NRG1: variants seen among roughly 807,000 people sequenced by gnomAD.
NRG1 encodes neuregulin 1, also known as pro-neuregulin-1, membrane-bound isoform.
Under a neutral mutation model 63.8 loss-of-function variants are expected in NRG1, and 18 were observed. The observed-to-expected ratio is 0.28, with a 90% CI of 0.19 to 0.42. The LOEUF (loss-of-function observed/expected upper bound fraction) is 0.42, where lower values mean the gene tolerates loss of function less well. NRG1 is among the 10% of genes least tolerant of loss of function. NRG1 has a pLI of 1.00. For missense variants in NRG1, 762 were observed against 814.7 expected, an observed-to-expected ratio of 0.94 and a Z score of 0.79; for synonymous variants, 302 against 301.3, an observed-to-expected ratio of 1.00 and a Z score of -0.02.
chr8:32,748,532 A>G (rs1007775911), intron 7 of NRG1: 7 of 204,472 alleles, frequency 3.4e-5, no homozygotes, highest in African/African-American at 9.6e-5. Flanking sequence ...CACTTCCTCA[A>G]TGGAGCCTCT....
At chr8:32,575,741 G>A (rs1456988631) in intron 1 of NRG1, among the ~76,000 whole-genome samples, 2 of 152,082 alleles carry the variant, frequency 1.3e-5, no homozygotes, top group Non-Finnish European at 2.9e-5. Context: ...TTCTAATAAG[G>A]GTGAAACTTG....
At chr8:32,563,512 A>C (rs1588333752) in intron 1 of NRG1, among the ~76,000 whole-genome samples, 1 of 152,334 alleles carries the variant, frequency 6.6e-6, no homozygotes, top group East Asian at 1.9e-4. Flanking sequence ...TTCTCAATAG[A>C]AACTGGGTAC....
chr8:32,344,097 A>T (rs1282091943), intron 1 of NRG1, among the ~76,000 whole-genome samples: 4 of 152,178 alleles, frequency 2.6e-5, no homozygotes, highest in East Asian at 3.9e-4. Context: ...ACCACACATC[A>T]CTTCAGAATT....
intron 1 of NRG1, among the ~76,000 whole-genome samples, chr8:32,572,176 G>T (rs1838727111): frequency 6.6e-6 from 1 of 152,010 alleles, no homozygotes; most frequent in African/African-American, 2.4e-5. Flanking sequence ...AAATGCTTAC[G>T]ACATAAGTGG....
At chr8:32,346,673 T>A (rs1048393036) in intron 1 of NRG1, among the ~76,000 whole-genome samples, 1 of 152,168 alleles carries the variant, frequency 6.6e-6, no homozygotes, top group Admixed American at 6.5e-5. Flanking sequence ...CATGTGCTTA[T>A]TTCTCTTCCT....
At chr8:31,639,550 C>A in intron 1 of NRG1, 2 of 1,444,118 alleles carry the variant, frequency 1.4e-6, no homozygotes, top group South Asian at 1.3e-5. Flanking sequence ...CGCTTGCTCG[C>A]AGCCCCAGCA....
At chr8:31,778,781 T>G (rs1299726140) in intron 1 of NRG1, among the ~76,000 whole-genome samples, 1 of 152,228 alleles carries the variant, frequency 6.6e-6, no homozygotes. Flanking sequence ...GACTGGTTTT[T>G]GGGAAGCCAA....
chr8:32,621,929 G>A (rs1260258358), intron 5 of NRG1, among the ~76,000 whole-genome samples: 1 of 152,234 alleles, frequency 6.6e-6, no homozygotes, highest in Non-Finnish European at 1.5e-5. Flanking sequence ...GATTCTGTGA[G>A]TGGATTGAAA....
chr8:32,671,864 A>T (rs935016813), intron 5 of NRG1, among the ~76,000 whole-genome samples: 1 of 152,212 alleles, frequency 6.6e-6, no homozygotes. Context: ...TTAGAAAATC[A>T]TTATATCCAC....
At chr8:32,542,468 A>G (rs1430682099) in intron 1 of NRG1, among the ~76,000 whole-genome samples, 2 of 152,238 alleles carry the variant, frequency 1.3e-5, no homozygotes, top group African/African-American at 4.8e-5. Context: ...AGAGGTTAAA[A>G]CAGGATGGGA....
chr8:32,401,633 A>C (rs995565033), intron 1 of NRG1, among the ~76,000 whole-genome samples: 1 of 152,182 alleles, frequency 6.6e-6, no homozygotes, highest in Non-Finnish European at 1.5e-5. Context: ...TGAACACAGG[A>C]ACAGAAAACA....
At chr8:31,762,702 A>G (rs1252159365) in intron 1 of NRG1, among the ~76,000 whole-genome samples, 3 of 152,196 alleles carry the variant, frequency 2.0e-5, no homozygotes, top group African/African-American at 7.2e-5. Context: ...ATAATATAGT[A>G]ATTATTAAAA....
intron 5 of NRG1, chr8:32,646,983 GC>G (rs1293641342): frequency 1.0e-6 from 1 of 984,880 alleles, no homozygotes; most frequent in Non-Finnish European, 1.2e-6. Flanking sequence ...GCAGAGAAGA[GC>G]CGCAGAGGAA....
chr8:32,325,917 A>G (rs10102632), intron 1 of NRG1, among the ~76,000 whole-genome samples: 13,598 of 152,150 alleles, frequency 0.089, 807 homozygotes, highest in Middle Eastern at 0.18. Flanking sequence ...GCTGAGCACC[A>G]CGATGCTGGC....
chr8:31,670,153 C>G (rs1317176440), intron 1 of NRG1, among the ~76,000 whole-genome samples: 28 of 152,122 alleles, frequency 1.8e-4, no homozygotes, highest in Non-Finnish European at 1.5e-5. Flanking sequence ...CAGCTTTCAT[C>G]TTTTTCTCTC....
At chr8:32,521,430 C>G (rs1245609603) in intron 1 of NRG1, among the ~76,000 whole-genome samples, 35 of 152,108 alleles carry the variant, frequency 2.3e-4, no homozygotes, top group Admixed American at 2.3e-3. Flanking sequence ...GATCATGGAA[C>G]TGGCTCGTGA....
intron 1 of NRG1, among the ~76,000 whole-genome samples, chr8:32,270,072 A>G (rs1400446560): frequency 3.3e-5 from 5 of 152,214 alleles, no homozygotes; most frequent in African/African-American, 4.8e-5. Context: ...TAATAAACAC[A>G]GAATCCATCA....
chr8:31,788,423 A>G (rs1420767109), intron 1 of NRG1, among the ~76,000 whole-genome samples: 3 of 152,166 alleles, frequency 2.0e-5, no homozygotes, highest in African/African-American at 7.2e-5. Context: ...GGCTTGAAAT[A>G]AGTTTAAACA....
At chr8:32,749,040 AAGTCC>A in intron 7 of NRG1, 1 of 168,512 alleles carries the variant, frequency 5.9e-6, no homozygotes, top group Admixed American at 6.1e-5. Context: ...TCAAAAATCC[AAGTCC>A]AACCTGATAA....
Sources: allele counts gnomAD v4.1 joint callset (sites outside exome capture counted in the v4.1 genomes callset), GRCh38; gene constraint gnomAD v4.1.1; transcripts MANE v1.5; gene names NCBI Gene and HGNC (gene_info 2026-07-23, HGNC 2026-07-21).